The following VPS50 variants were observed in gnomAD, a reference collection of about 807,000 sequenced individuals.
VPS50 encodes VPS50 subunit of EARP/GARPII complex.
VPS50 carries 70 observed loss-of-function variants against 139.7 expected under a neutral mutation model. The observed-to-expected ratio is 0.50, with a 90% CI of 0.41 to 0.61. The LOEUF (loss-of-function observed/expected upper bound fraction) is 0.61. VPS50 is among the 20% of genes least tolerant of loss of function. VPS50 has a pLI of 0.00. For missense variants in VPS50, 921 were observed against 1,133.7 expected (o/e 0.81, Z 2.69); for synonymous variants, 365 against 376.7 (o/e 0.97, Z 0.36).
At position 93,242,047 on chromosome 7, in the gene VPS50, C is replaced by T. The variant is rs185794211; in HGVS notation, c.102+2113C>T. On this transcript the variant is annotated intron_variant, in intron 2 of 27. Transcript: ENST00000305866. ...TTTAAATATAAAATTAATGTATGCTCTAAACAGAAAACATGGTAAACGGAA... is the reference window on the plus strand; with the variant it reads ...TTTAAATATAAAATTAATGTATGCTTTAAACAGAAAACATGGTAAACGGAA... 2.0e-5 allele frequency among the ~76,000 whole-genome samples: 3 copies of T among 151,690 alleles called. No homozygotes were observed. The East Asian group carries it at 5.8e-4, about 29-fold the overall frequency.
intron 2 of VPS50, chr7:93,246,132 A>G: frequency 1.3e-6 from 2 of 1,508,446 alleles, no homozygotes; most frequent in Non-Finnish European, 1.8e-6. Flanking sequence ...TAACTTTGGT[A>G]AGATTATAGC....
chr7:93,306,851 TTA>T (rs1199987953), intron 18 of VPS50, among the ~76,000 whole-genome samples: 2 of 151,936 alleles, frequency 1.3e-5, no homozygotes, highest in Non-Finnish European at 2.9e-5. Flanking sequence ...TCTTTATATT[TTA>T]TGTTAGTTTT....
At chr7:93,328,171 TC>T (rs1207849480) in intron 21 of VPS50, among the ~76,000 whole-genome samples, 2 of 152,212 alleles carry the variant, frequency 1.3e-5, no homozygotes, top group Admixed American at 6.5e-5. Context: ...TCTTGCCTTG[TC>T]CCCAGCTTTC....
At chr7:93,357,133 T>C (rs1235861230) in intron 27 of VPS50, among the ~76,000 whole-genome samples, 1 of 152,190 alleles carries the variant, frequency 6.6e-6, no homozygotes, top group Non-Finnish European at 1.5e-5. Context: ...GACTGCTTAA[T>C]GTTGCTAGAA....
intron 9 of VPS50, among the ~76,000 whole-genome samples, chr7:93,261,487 C>T (rs2082915003): frequency 6.6e-6 from 1 of 151,940 alleles, no homozygotes; most frequent in African/African-American, 2.4e-5. Context: ...ACCATCCTGG[C>T]TAACACGGTG....
intron 18 of VPS50, 70 bp from the exon 19 acceptor site, chr7:93,308,754 C>T: frequency 1.4e-6 from 1 of 693,734 alleles, no homozygotes. Context: ...TGAGTACTTT[C>T]ACTGTGTTGA....
intron 26 of VPS50, among the ~76,000 whole-genome samples, chr7:93,354,297 T>G (rs1213510346): frequency 9.8e-6 from 1 of 101,590 alleles, no homozygotes; most frequent in Admixed American, 9.4e-5. Flanking sequence ...TTTCTTTTCT[T>G]TCTTTTTTTT....
intron 21 of VPS50, among the ~76,000 whole-genome samples, chr7:93,327,976 C>T (rs2117032721): frequency 6.6e-6 from 1 of 152,192 alleles, no homozygotes; most frequent in South Asian, 2.1e-4. Context: ...GGGGTTCTGG[C>T]TTCTAGAAAT....
Position 93,332,550 on chromosome 7 carries a change from A to G in VPS50, c.1978-1567A>G, listed in dbSNP as rs191945739. Among the ~76,000 whole-genome samples, 5 of 152,350 alleles carry G rather than the reference A, an allele frequency of 3.3e-5. No homozygotes were observed. In the East Asian group the frequency reaches 9.6e-4, roughly 29 times the overall value. Reference sequence around the variant, plus strand: ...AACAGTACAGCTACTTTAGAAAACAACGTGGAAGTACCTTATAAGGTTAAA... The same window carrying G: ...AACAGTACAGCTACTTTAGAAAACAGCGTGGAAGTACCTTATAAGGTTAAA... On this transcript the variant is annotated intron_variant, in intron 21 of 27. Transcript: ENST00000305866.
intron 9 of VPS50, among the ~76,000 whole-genome samples, chr7:93,261,626 C>T (rs112625883): frequency 0.023 from 3,188 of 140,432 alleles, 129 homozygotes; most frequent in African/African-American, 0.08. Context: ...TGCAGTGAGC[C>T]GAGATTGCGC....
chr7:93,235,672 ATG>A (rs1420188189), intron 1 of VPS50, among the ~76,000 whole-genome samples: 1 of 152,222 alleles, frequency 6.6e-6, no homozygotes, highest in Non-Finnish European at 1.5e-5. Context: ...AATTGGAAGA[ATG>A]TAATTGCCAT....
chr7:93,358,562 G>T lies in VPS50; in HGVS notation c.*126G>T. 1 of 757,006 alleles carries T rather than the reference G, an allele frequency of 1.3e-6. No homozygotes were observed. Among genetic ancestry groups the T allele is most frequent in the Non-Finnish European group, 2.2e-6 (1 of 455,246 alleles). 46.9% of individuals were successfully genotyped at this position (757,006 alleles called of 1,614,324 possible). The stretch of plus-strand genomic sequence containing the variant: ...AACTTTGTGCATGTTTTTTTGACTG[G>T]AAAGTGGAAAATATTGAAATGTGTG... On this transcript the variant is annotated 3_prime_UTR_variant, in exon 28 of 28. Coordinates refer to ENST00000305866, the MANE Select transcript of VPS50 (RefSeq NM_017667.4).
In VPS50 at chr7:93,257,454, A is replaced by G; in HGVS notation, c.412A>G (p.Asn138Asp). ...GLQLAAVICTNGRRHLNIAKE... is the reference protein window; with the variant it reads ...GLQLAAVICTDGRRHLNIAKE... ...TCAATTAGCTGCTGTTATCTGTACA[A>G]ATGGGAGAAGGTATTGCTTTTGATG... The change falls in exon 6 of 28, where the codon AAT becomes GAT. Residue 138 changes from asparagine to aspartate, a missense_variant. By Grantham distance (23) the Asn-to-Asp change is conservative. This residue lies in a region of VPS50 where 744 missense variants were observed against 930.6 expected (regional missense o/e 0.80). Coordinates refer to ENST00000305866, the MANE Select transcript of VPS50 (RefSeq NM_017667.4). The G allele has an allele frequency of 1.9e-6, 3 of 1,592,418 alleles. No homozygotes were observed. The highest frequency in any genetic ancestry group is 1.3e-5 in the African/African-American group (1 of 74,484).
intron 27 of VPS50, among the ~76,000 whole-genome samples, chr7:93,357,992 T>G (rs1307605873): frequency 6.6e-6 from 1 of 152,138 alleles, no homozygotes; most frequent in Admixed American, 6.6e-5. Context: ...GATGACTCAA[T>G]AACAAAGACT....
chr7:93,334,721 G>A (rs1420748278), intron 22 of VPS50, among the ~76,000 whole-genome samples: 1 of 152,188 alleles, frequency 6.6e-6, no homozygotes, highest in East Asian at 1.9e-4. Context: ...GTAGTAGGGA[G>A]CCTGGTTCTT....
intron 6 of VPS50, chr7:93,257,749 C>G (rs1040122098): frequency 7.4e-6 from 2 of 269,276 alleles, no homozygotes; most frequent in East Asian, 7.4e-5. Flanking sequence ...TCTAAAATTT[C>G]CAATCTGTTA....
At chr7:93,249,563 C>T (rs1016311029) in intron 2 of VPS50, among the ~76,000 whole-genome samples, 1 of 152,070 alleles carries the variant, frequency 6.6e-6, no homozygotes, top group Non-Finnish European at 1.5e-5. Flanking sequence ...TGGCTTGGCT[C>T]TATTTCTGAT....
At chr7:93,239,737 A>C (rs1031771418) in intron 1 of VPS50, 129 bp from the exon 2 acceptor site, 3 of 550,114 alleles carry the variant, frequency 5.5e-6, no homozygotes, top group Admixed American at 6.1e-5. Flanking sequence ...TTTAGAATAT[A>C]TCTTCCATAT....
chr7:93,236,238 T>G (rs776464506), intron 1 of VPS50, among the ~76,000 whole-genome samples: 2 of 152,180 alleles, frequency 1.3e-5, no homozygotes, highest in Non-Finnish European at 2.9e-5. Flanking sequence ...TTGAGCAGCG[T>G]GGAGGTCCTT....
Sources: gnomAD v4.1 joint callset for allele counts (sites outside exome capture counted in the v4.1 genomes callset) on GRCh38, gnomAD v4.1.1 for gene constraint, gnomAD v4.1.1 regional missense constraint, MANE v1.5 for transcripts, NCBI Gene and HGNC (gene_info 2026-07-23, HGNC 2026-07-21) for gene names.